MYH10: variants seen among roughly 807,000 people sequenced by gnomAD.
MYH10 encodes the protein myosin-10.
A neutral mutation model predicts 257.8 loss-of-function variants in MYH10; 55 were observed. That is an observed-to-expected ratio of 0.21 (90% CI 0.17 to 0.27). The LOEUF is 0.27. Ranked by LOEUF, MYH10 falls within the 10% of genes least tolerant of loss-of-function variation. The probability of loss-of-function intolerance (pLI) is 1.00; values close to 1 mark genes in which losing one functional copy is unlikely to be tolerated. For missense variants in MYH10, 1,631 were observed against 2,500.6 expected (o/e 0.65, Z 7.42); for synonymous variants, 854 against 921.7 (o/e 0.93, Z 1.33).
At chr17:8,481,978 G>A (rs1263134545) in intron 37 of MYH10, among the ~76,000 whole-genome samples, 1 of 152,176 alleles carries the variant, frequency 6.6e-6, no homozygotes, top group Non-Finnish European at 1.5e-5. Context: ...TTCTTGAAGG[G>A]GACTGTGGCT....
intron 6 of MYH10, among the ~76,000 whole-genome samples, chr17:8,574,859 G>A (rs578035021): frequency 1.3e-5 from 2 of 152,356 alleles, no homozygotes; most frequent in African/African-American, 4.8e-5. Context: ...ACACCCAGCA[G>A]GGGGAGAAGT....
At chr17:8,478,290 C>A (rs779551775) in intron 41 of MYH10, 48 bp downstream of exon 41, 5 of 1,497,394 alleles carry the variant, frequency 3.3e-6, no homozygotes, top group Non-Finnish European at 3.7e-6. Flanking sequence ...TCATTCTCCA[C>A]CAGTTCCTTT....
At chr17:8,516,849 A>G (rs748593685) in intron 21 of MYH10, among the ~76,000 whole-genome samples, 1 of 152,128 alleles carries the variant, frequency 6.6e-6, no homozygotes, top group Non-Finnish European at 1.5e-5. Flanking sequence ...ATTAGTATAT[A>G]AAAACCCGGC....
chr17:8,527,544 A>G (rs756721767), intron 17 of MYH10, among the ~76,000 whole-genome samples: 2 of 152,312 alleles, frequency 1.3e-5, no homozygotes, highest in Middle Eastern at 3.4e-3. Context: ...GTACCTTGGG[A>G]CACTATGAGC....
chr17:8,528,236 A>G (rs760443663), intron 17 of MYH10, among the ~76,000 whole-genome samples: 17 of 152,282 alleles, frequency 1.1e-4, no homozygotes, highest in South Asian at 2.1e-4. Context: ...TACCTCCAAC[A>G]TGCTTTGGAT....
chr17:8,518,153 G>T (rs2081536263), intron 21 of MYH10, among the ~76,000 whole-genome samples: 1 of 140,726 alleles, frequency 7.1e-6, no homozygotes, highest in African/African-American at 2.7e-5. Flanking sequence ...GTGTGTTTGA[G>T]ATAGGGTCTC....
At chr17:8,548,463 G>A in intron 10 of MYH10, 55 bp from the exon 11 acceptor site, 2 of 1,428,840 alleles carry the variant, frequency 1.4e-6, no homozygotes, top group Non-Finnish European at 1.9e-6. Context: ...ATGTAGCGGA[G>A]ACATATTCTC....
chr17:8,518,938 T>C lies in MYH10; in HGVS notation c.2286A>G (p.Leu762=), dbSNP rs2081562548. 6.2e-7 allele frequency: 1 copy of C among 1,602,280 alleles called. No individual in the cohort carries two copies. The highest frequency in any genetic ancestry group is 8.5e-7 in the Non-Finnish European group (1 of 1,171,404). Residue 762 remains leucine, a synonymous_variant, in exon 20 of 43, where the codon CTA becomes CTG. Transcript: ENST00000360416. The stretch of plus-strand genomic sequence containing the variant: ...AACCTTTAGGAATAGCATTTGGAGT[T>C]AGGATCTCATATCTGTAAGAGAATA... ...FQEFRQRYEI[L]TPNAIPKGFM... is the part of the protein sequence containing the mutation.
intron 31 of MYH10, 118 bp from the exon 32 acceptor site, chr17:8,494,003 G>C: frequency 9.1e-7 from 1 of 1,095,166 alleles, no homozygotes; most frequent in East Asian, 2.4e-5. Flanking sequence ...AGAACGCCCA[G>C]TGACATTAAC....
intron 2 of MYH10, among the ~76,000 whole-genome samples, chr17:8,615,213 A>C (rs2085210944): frequency 6.6e-6 from 1 of 152,134 alleles, no homozygotes; most frequent in Non-Finnish European, 1.5e-5. Context: ...CAGGACTTCA[A>C]GGCTGCACGA....
At chr17:8,626,608 T>TAAG (rs1555621831) in intron 1 of MYH10, among the ~76,000 whole-genome samples, 1 of 138,854 alleles carries the variant, frequency 7.2e-6, no homozygotes. Flanking sequence ...ATAATAATAA[T>TAAG]AAGTAAAATA....
intron 6 of MYH10, chr17:8,573,923 G>A (rs2083423635): frequency 1.9e-6 from 1 of 521,492 alleles, no homozygotes; most frequent in Admixed American, 6.4e-5. Context: ...TGAGGATATG[G>A]AGAAACTGGA....
At chr17:8,593,138 C>T (rs1030429861) in intron 3 of MYH10, among the ~76,000 whole-genome samples, 1 of 151,092 alleles carries the variant, frequency 6.6e-6, no homozygotes, top group Admixed American at 6.6e-5. Flanking sequence ...ACTTAATATC[C>T]ACTGATGATT....
intron 2 of MYH10, among the ~76,000 whole-genome samples, chr17:8,611,941 T>C (rs1169013331): frequency 2.0e-5 from 3 of 152,216 alleles, no homozygotes. Context: ...TAGTGCCCCT[T>C]ATCTGTGGTT....
At chr17:8,492,634 T>TC (rs1275504558) in intron 33 of MYH10, 125 bp from the exon 34 acceptor site, 1 of 596,092 alleles carries the variant, frequency 1.7e-6, no homozygotes, top group Non-Finnish European at 2.3e-6. Context: ...GTATTTCCTT[T>TC]TTTTTTTTTT....
chr17:8,547,779 C>G (rs2082492364), intron 11 of MYH10, among the ~76,000 whole-genome samples: 1 of 140,470 alleles, frequency 7.1e-6, no homozygotes, highest in African/African-American at 2.8e-5. Context: ...TACTTTATAT[C>G]CATATTATAT....
chr17:8,629,521 G>A (rs1184937055), intron 1 of MYH10, among the ~76,000 whole-genome samples: 1 of 152,120 alleles, frequency 6.6e-6, no homozygotes, highest in Non-Finnish European at 1.5e-5. Context: ...AAACAGGCCT[G>A]GCTGGGGGCC....
chr17:8,569,850 T>C lies in MYH10; in HGVS notation c.664-38A>G, dbSNP rs2083280721. On this transcript the variant is annotated intron_variant, in intron 6 of 42. Transcript: ENST00000360416. This position sits in a 1 kb window ranked among gnomAD's most constrained non-coding sequence, Gnocchi z 4.1. ...ACACACACACAAATAAAAGCAGATG[T>C]ACGTTAATCTAATGTCTTTACTCAA... The C allele has an allele frequency of 6.9e-7, 1 of 1,455,920 alleles. No individual in the cohort carries two copies. The highest frequency in any genetic ancestry group is 1.9e-5 in the Admixed American group (1 of 52,602). The allele number at this position is 1,455,920 out of a possible 1,614,324, so 90.2% of individuals were successfully genotyped here.
intron 6 of MYH10, among the ~76,000 whole-genome samples, chr17:8,574,955 G>A (rs1256095824): frequency 1.3e-5 from 2 of 152,208 alleles, no homozygotes; most frequent in Non-Finnish European, 2.9e-5. Flanking sequence ...TGTTGGGGAA[G>A]AAAAATTGAG....
Sources: allele counts gnomAD v4.1 joint callset (sites outside exome capture counted in the v4.1 genomes callset), GRCh38; gene constraint gnomAD v4.1.1; non-coding constraint Gnocchi (gnomAD v3.1); transcripts MANE v1.5; gene names NCBI Gene and HGNC (gene_info 2026-07-23, HGNC 2026-07-21).